Variants in ASAP1 observed in about 807,000 individuals in gnomAD.
ASAP1 encodes ArfGAP with SH3 domain, ankyrin repeat and PH domain 1.
Under a neutral mutation model 145.2 loss-of-function variants are expected in ASAP1, and 43 were observed. That is an observed-to-expected ratio of 0.30 (90% CI 0.23 to 0.38). The LOEUF is 0.38. Among genes scored for constraint, ASAP1 ranks in the 10% least tolerant of loss-of-function variants. The probability of loss-of-function intolerance (pLI) is 1.00; values close to 1 mark genes in which losing one functional copy is unlikely to be tolerated. For synonymous variants in ASAP1, 546 were observed against 515.5 expected (o/e 1.06, Z -0.80); for missense variants, 1,018 against 1,355.3 (o/e 0.75, Z 3.91).
At chr8:130,279,479 G>A (rs1245036187) in intron 3 of ASAP1, among the ~76,000 whole-genome samples, 1 of 152,190 alleles carries the variant, frequency 6.6e-6, no homozygotes, top group Non-Finnish European at 1.5e-5. Flanking sequence ...ATTTTTAAAT[G>A]GAGTGGGGGG....
intron 15 of ASAP1, among the ~76,000 whole-genome samples, chr8:130,131,788 A>G (rs2097583549): frequency 6.6e-6 from 1 of 152,122 alleles, no homozygotes; most frequent in African/African-American, 2.4e-5. Flanking sequence ...ACAGAGTGAG[A>G]CCTTGTCTCA....
chr8:130,130,762 C>G (rs1239322616), intron 15 of ASAP1, among the ~76,000 whole-genome samples: 3 of 152,094 alleles, frequency 2.0e-5, no homozygotes, highest in Non-Finnish European at 4.4e-5. Flanking sequence ...GTTAAAAAGC[C>G]ACTAACCACC....
rs575305182 is a variant in ASAP1, at chr8:130,167,743, C to T, written c.823-121G>A. 45 of 673,586 alleles carry T rather than the reference C, an allele frequency of 6.7e-5. 1 individual carries two copies. Among genetic ancestry groups the T allele is most frequent in the Admixed American group, 1.1e-4 (4 of 36,262 alleles). 41.7% of individuals were successfully genotyped at this position (673,586 alleles called of 1,614,324 possible). The stretch of plus-strand genomic sequence containing the variant: ...ATATTTGGTTTTCTTACTAAAAGTC[C>T]TTTATACTGTCTCATTTTTGATATG... On this transcript the variant is annotated intron_variant, in intron 10 of 29. Transcript: ENST00000518721.
intron 25 of ASAP1, among the ~76,000 whole-genome samples, chr8:130,089,776 T>C (rs1270433203): frequency 3.3e-5 from 5 of 152,238 alleles, no homozygotes; most frequent in African/African-American, 4.8e-5. Context: ...CCTGTGTCTG[T>C]AGACAGTATA....
intron 24 of ASAP1, 78 bp downstream of exon 24, chr8:130,112,016 T>A (rs879803148): frequency 7.3e-7 from 1 of 1,375,996 alleles, no homozygotes; most frequent in Non-Finnish European, 1.0e-6. Flanking sequence ...ACCTCAAAGC[T>A]GGCTAGACTA....
intron 4 of ASAP1, among the ~76,000 whole-genome samples, chr8:130,216,894 G>T (rs1200589043): frequency 6.6e-6 from 1 of 152,148 alleles, no homozygotes; most frequent in Non-Finnish European, 1.5e-5. Context: ...CTTCTGAAAT[G>T]GTCTCTCTGT....
intron 1 of ASAP1, among the ~76,000 whole-genome samples, chr8:130,405,498 C>T (rs968992879): frequency 2.0e-5 from 3 of 152,124 alleles, no homozygotes; most frequent in East Asian, 1.9e-4. Flanking sequence ...CTGCTGGGGT[C>T]GGGGGGAAGG....
At chr8:130,437,835 G>A (rs1327913099) in intron 1 of ASAP1, among the ~76,000 whole-genome samples, 3 of 152,150 alleles carry the variant, frequency 2.0e-5, no homozygotes, top group East Asian at 3.8e-4. Flanking sequence ...CACCACAGCT[G>A]GGGAAGTACT....
chr8:130,085,735 T>TAAA (rs376786284), intron 25 of ASAP1, among the ~76,000 whole-genome samples: 37,495 of 123,960 alleles, frequency 0.3, 6,458 homozygotes, highest in East Asian at 0.45. Flanking sequence ...ACGTTGTCTT[T>TAAA]AAGAAAAAAA....
At chr8:130,291,708 A>G (rs890856388) in intron 3 of ASAP1, among the ~76,000 whole-genome samples, 1 of 152,218 alleles carries the variant, frequency 6.6e-6, no homozygotes, top group African/African-American at 2.4e-5. Context: ...AAAGGCAACC[A>G]AAGTCCCCAT....
intron 1 of ASAP1, among the ~76,000 whole-genome samples, chr8:130,416,525 C>T (rs975809032): frequency 6.6e-6 from 1 of 152,236 alleles, no homozygotes; most frequent in Admixed American, 6.5e-5. Context: ...AAGTCACTTG[C>T]TTTGCAACTA....
intron 3 of ASAP1, among the ~76,000 whole-genome samples, chr8:130,259,280 A>G (rs1446306066): frequency 6.6e-6 from 1 of 152,202 alleles, no homozygotes; most frequent in Non-Finnish European, 1.5e-5. Flanking sequence ...CAAGCTTTAA[A>G]CAATCTTCTA....
Position 130,100,311 on chromosome 8 carries a change from G to C in ASAP1, c.2402-8168C>G, listed in dbSNP as rs114650645. Among the ~76,000 whole-genome samples the C allele has an allele frequency of 4.1e-3, 618 of 149,278 alleles. 4 individuals are homozygous for C. Among genetic ancestry groups the C allele is most frequent in the African/African-American group, 0.014 (587 of 40,572 alleles). ...TATACTTATTAGCCATTTATATGTC[G>C]TGTTTTCTTTCTTTCTTTCTTTCTT... is the stretch of plus-strand genomic sequence containing the variant. On this transcript the variant is annotated intron_variant, in intron 24 of 29. Coordinates refer to ENST00000518721, the MANE Select transcript of ASAP1 (RefSeq NM_018482.4).
At chr8:130,146,304 C>T (rs1420902520) in intron 13 of ASAP1, among the ~76,000 whole-genome samples, 4 of 151,742 alleles carry the variant, frequency 2.6e-5, no homozygotes, top group Non-Finnish European at 5.9e-5. Flanking sequence ...TAAAAAAAAC[C>T]TTTTTACCCC....
chr8:130,261,759 G>A (rs1444304074), intron 3 of ASAP1, among the ~76,000 whole-genome samples: 2 of 152,142 alleles, frequency 1.3e-5, no homozygotes, highest in Admixed American at 6.5e-5. Context: ...ATGGAAGCCT[G>A]TGTGGAGGGG....
intron 3 of ASAP1, among the ~76,000 whole-genome samples, chr8:130,335,416 G>C (rs527906217): frequency 6.6e-6 from 1 of 152,162 alleles, no homozygotes; most frequent in Non-Finnish European, 1.5e-5. Context: ...GACAAATAGT[G>C]AGCAACATAG....
chr8:130,351,438 T>G (rs917889751), intron 3 of ASAP1, among the ~76,000 whole-genome samples: 3 of 152,138 alleles, frequency 2.0e-5, no homozygotes, highest in African/African-American at 7.2e-5. Context: ...AATCCAAAGA[T>G]ATATATATAA....
At chr8:130,212,453 G>C (rs889833536) in intron 5 of ASAP1, among the ~76,000 whole-genome samples, 2 of 152,156 alleles carry the variant, frequency 1.3e-5, no homozygotes, top group African/African-American at 4.8e-5. Flanking sequence ...CAGAGCATGA[G>C]GTGACAGAGG....
intron 26 of ASAP1, among the ~76,000 whole-genome samples, chr8:130,079,027 C>A (rs2097471924): frequency 6.8e-6 from 1 of 147,942 alleles, no homozygotes; most frequent in African/African-American, 2.6e-5. Flanking sequence ...GGCCTTGTCT[C>A]TACAAAAAAA....
Sources: allele counts gnomAD v4.1 joint callset (sites outside exome capture counted in the v4.1 genomes callset), GRCh38; gene constraint gnomAD v4.1.1; transcripts MANE v1.5; gene names NCBI Gene and HGNC (gene_info 2026-07-23, HGNC 2026-07-21).